DMD: variants seen among roughly 807,000 people sequenced by gnomAD.
DMD encodes mutant dystrophin.
A neutral mutation model predicts 330.1 loss-of-function variants in DMD; 63 were observed. The observed-to-expected ratio is 0.19, with a 90% CI of 0.16 to 0.24. The LOEUF is 0.24. Among genes scored for constraint, DMD ranks in the 10% least tolerant of loss-of-function variants. DMD has a pLI of 1.00. For synonymous variants in DMD, 1,223 were observed against 959.8 expected (o/e 1.27, Z -5.07); for missense variants, 3,344 against 2,684.1 (o/e 1.25, Z -5.43).
intron 9 of DMD, among the ~76,000 whole-genome samples, chrX:32,682,553 A>G (rs1369109634): frequency 1.8e-5 from 2 of 111,567 alleles, no homozygotes; most frequent in Non-Finnish European, 3.8e-5. Context: ...AACTTAGTTT[A>G]TGATTTCAAT....
chrX:32,238,880 G>GC (rs771610342), intron 43 of DMD, among the ~76,000 whole-genome samples: 2 of 111,485 alleles, frequency 1.8e-5, no homozygotes, highest in East Asian at 5.7e-4. Flanking sequence ...CATTTAGTAA[G>GC]CCCTTTAAAC....
At chrX:31,399,050 C>T (rs756500566) in intron 60 of DMD, among the ~76,000 whole-genome samples, 1 of 111,475 alleles carries the variant, frequency 9.0e-6, no homozygotes, top group Non-Finnish European at 1.9e-5. Context: ...TTAGCTTTGC[C>T]ATTCACAGAT....
chrX:31,903,838 T>G (rs1293216935), intron 47 of DMD, among the ~76,000 whole-genome samples: 1 of 111,907 alleles, frequency 8.9e-6, no homozygotes, highest in Non-Finnish European at 1.9e-5. Flanking sequence ...ACTTCAATAT[T>G]GAGTTCTTAA....
chrX:32,978,588 G>A (rs1176888900), intron 2 of DMD, among the ~76,000 whole-genome samples: 1 of 111,608 alleles, frequency 9.0e-6, no homozygotes, highest in Non-Finnish European at 1.9e-5. Flanking sequence ...CCCCACCTCA[G>A]CCTCCTGAGT....
At chrX:32,767,387 G>A (rs185032221) in intron 7 of DMD, among the ~76,000 whole-genome samples, 473 of 111,148 alleles carry the variant, frequency 4.3e-3, no homozygotes, top group South Asian at 0.013. Flanking sequence ...ATGATTTTCC[G>A]TGTTATAGAA....
In DMD at chrX:32,636,976, A is replaced by C. The variant is rs764603519; in HGVS notation, c.1331+7156T>G. Among the ~76,000 whole-genome samples the C allele has an allele frequency of 1.1e-4, 12 of 109,603 alleles. No homozygotes were observed. In the South Asian group the frequency reaches 1.6e-3, roughly 15 times the overall value. ...TAGCGCCACTGCACTCCAGCCTGGG[A>C]GACAGGGAGACTCTGTCTCAAAAAA... On this transcript the variant is annotated intron_variant, in intron 11 of 78. Coordinates refer to ENST00000357033, the MANE Select transcript of DMD (RefSeq NM_004006.3).
chrX:32,295,707 C>T (rs1479490471), intron 42 of DMD, among the ~76,000 whole-genome samples: 1 of 111,837 alleles, frequency 8.9e-6, no homozygotes, highest in Non-Finnish European at 1.9e-5. Flanking sequence ...AACAAGGGAC[C>T]TATTTGCCAA....
intron 60 of DMD, among the ~76,000 whole-genome samples, chrX:31,421,195 C>T (rs190710016): frequency 8.9e-6 from 1 of 111,901 alleles, no homozygotes; most frequent in East Asian, 2.8e-4. Context: ...ACGTCCCCTC[C>T]CCTTGCAGAG....
chrX:33,114,948 C>G (rs1047300597), intron 1 of DMD, among the ~76,000 whole-genome samples: 1 of 111,857 alleles, frequency 8.9e-6, no homozygotes, highest in Non-Finnish European at 1.9e-5. Context: ...GATGCTCTAT[C>G]TCAAGAGCAA....
chrX:32,876,815 A>T (rs759465715), intron 2 of DMD, among the ~76,000 whole-genome samples: 2 of 112,321 alleles, frequency 1.8e-5, no homozygotes, highest in African/African-American at 6.5e-5. Flanking sequence ...GAGTTGTACC[A>T]TAGGTGACAC....
At chrX:32,928,742 G>A (rs957087861) in intron 2 of DMD, among the ~76,000 whole-genome samples, 8 of 111,852 alleles carry the variant, frequency 7.2e-5, no homozygotes, top group Non-Finnish European at 9.4e-5. Context: ...TCACCTATAA[G>A]GAGACGTACC....
At chrX:32,476,484 G>A (rs1390045057) in intron 21 of DMD, among the ~76,000 whole-genome samples, 1 of 110,799 alleles carries the variant, frequency 9.0e-6, no homozygotes, top group Non-Finnish European at 1.9e-5. Context: ...ATCTAATATA[G>A]TTTGTGAGGC....
intron 42 of DMD, among the ~76,000 whole-genome samples, chrX:32,303,754 A>G (rs1410195554): frequency 2.7e-5 from 3 of 110,375 alleles, no homozygotes; most frequent in African/African-American, 9.9e-5. Context: ...CCAAAGACTC[A>G]AACTCCAGTT....
At chrX:32,412,249 T>A in intron 29 of DMD, 1 of 1,002,928 alleles carries the variant, frequency 1.0e-6, no homozygotes, top group Non-Finnish European at 1.3e-6. Context: ...CCTCCTGATC[T>A]CATTATATAG....
At chrX:31,334,781 C>T (rs1049145489) in intron 61 of DMD, among the ~76,000 whole-genome samples, 1 of 111,862 alleles carries the variant, frequency 8.9e-6, no homozygotes, top group African/African-American at 3.2e-5. Flanking sequence ...TGATAAGACC[C>T]TTCCTCGTCT....
chrX:31,261,257 T>G, intron 62 of DMD: 1 of 370,684 alleles, frequency 2.7e-6, no homozygotes, highest in Non-Finnish European at 4.8e-6. Context: ...AGAATTTGTT[T>G]CTTCTTTGCA....
intron 2 of DMD, among the ~76,000 whole-genome samples, chrX:32,963,535 G>A (rs959080124): frequency 3.6e-5 from 4 of 112,192 alleles, no homozygotes; most frequent in Admixed American, 9.5e-5. Flanking sequence ...AATTTTGAGT[G>A]TGCTAACCAC....
At chrX:31,555,594 T>A (rs769906831) in intron 55 of DMD, among the ~76,000 whole-genome samples, 1 of 111,868 alleles carries the variant, frequency 8.9e-6, no homozygotes, top group South Asian at 3.8e-4. Context: ...TGGCTAGTCA[T>A]CAGGCTATTT....
intron 43 of DMD, among the ~76,000 whole-genome samples, chrX:32,235,557 G>T (rs758491537): frequency 4.5e-5 from 5 of 111,326 alleles, no homozygotes; most frequent in Non-Finnish European, 9.4e-5. Flanking sequence ...AATGCTATGA[G>T]GGTAGAAGTG....
Sources: gnomAD v4.1 joint callset for allele counts (sites outside exome capture counted in the v4.1 genomes callset) on GRCh38, gnomAD v4.1.1 for gene constraint, MANE v1.5 for transcripts, NCBI Gene and HGNC (gene_info 2026-07-23, HGNC 2026-07-21) for gene names.